The following SEL1L3 variants were observed in gnomAD, a reference collection of about 807,000 sequenced individuals.
The protein encoded by SEL1L3 is SEL1L family member 3, also known as protein sel-1 homolog 3.
In SEL1L3, 76 loss-of-function variants were observed where a neutral mutation model predicts 142.8. The observed-to-expected ratio is 0.53, with a 90% confidence interval of 0.44 to 0.64. The LOEUF is 0.64. Among genes scored for constraint, SEL1L3 ranks in the 30% least tolerant of loss-of-function variants. SEL1L3 has a pLI of 0.00. For missense variants in SEL1L3, 1,262 were observed against 1,381.7 expected (o/e 0.91, Z 1.37); for synonymous variants, 504 against 519.6 (o/e 0.97, Z 0.41).
chr4:25,777,440 GA>G (rs1719711365), intron 16 of SEL1L3, among the ~76,000 whole-genome samples: 1 of 151,810 alleles, frequency 6.6e-6, no homozygotes, highest in Admixed American at 6.6e-5. Flanking sequence ...AGCAGAAAAA[GA>G]AACATCAGAA....
At chr4:25,818,699 T>A (rs1371380832) in intron 8 of SEL1L3, among the ~76,000 whole-genome samples, 1 of 152,156 alleles carries the variant, frequency 6.6e-6, no homozygotes, top group East Asian at 1.9e-4. Flanking sequence ...AGGGTATGTC[T>A]CCTGAGAGTA....
intron 14 of SEL1L3, among the ~76,000 whole-genome samples, chr4:25,783,993 T>C (rs1378750996): frequency 6.6e-6 from 1 of 152,188 alleles, no homozygotes; most frequent in Admixed American, 6.5e-5. Context: ...GACTGGAAGG[T>C]GAATTCAGCT....
At chr4:25,727,157 A>C in the SEL1L3 span, among the ~76,000 whole-genome samples, 2 of 151,924 alleles carry the variant, frequency 1.3e-5, no homozygotes, top group Non-Finnish European at 2.9e-5. Context: ...GGTTCAAGCA[A>C]TTCTCCTGCC....
the SEL1L3 span, among the ~76,000 whole-genome samples, chr4:25,714,548 C>T: frequency 1.7e-5 from 2 of 117,776 alleles, no homozygotes; most frequent in African/African-American, 3.7e-5. Context: ...TTCTTTCTTT[C>T]TTTCTTCTTT....
chr4:25,756,755 C>T, intron 23 of SEL1L3: 1 of 1,149,276 alleles, frequency 8.7e-7, no homozygotes, highest in South Asian at 1.9e-5. Context: ...CCTGCTCAGT[C>T]CCTCCCTCTG....
intron 1 of SEL1L3, among the ~76,000 whole-genome samples, chr4:25,856,530 C>T (rs116314903): frequency 9.8e-4 from 146 of 148,816 alleles, no homozygotes; most frequent in African/African-American, 3.3e-3. Flanking sequence ...AATTTGACAA[C>T]GTCATGCACA....
chr4:25,817,987 T>C lies in SEL1L3; in HGVS notation c.1564+151A>G, dbSNP rs1017765399. On this transcript the variant is annotated intron_variant, in intron 9 of 23. Transcript: ENST00000399878. Reference sequence around the variant, plus strand: ...ACAGATATATCGAGAGTTGTGGACATACAAAGGCAGAATTTAAATCTGAAA... The same window carrying C: ...ACAGATATATCGAGAGTTGTGGACACACAAAGGCAGAATTTAAATCTGAAA... 11 of 803,232 alleles carry C rather than the reference T, an allele frequency of 1.4e-5. No homozygotes were observed. In the East Asian group the frequency reaches 1.6e-4, roughly 12 times the overall value. 49.8% of individuals were successfully genotyped at this position (803,232 alleles called of 1,614,324 possible). A position where few individuals can be genotyped will look rare whatever the true frequency, so the allele number is the denominator to read the frequency against.
rs138785641 is a variant in SEL1L3, at chr4:25,842,117, T to C, written c.733+5177A>G. Among the ~76,000 whole-genome samples the C allele has an allele frequency of 4.3e-4, 65 of 152,022 alleles. No homozygotes were observed. In the Middle Eastern group the frequency reaches 0.01, roughly 24 times the overall value. ...TAAGCCTCCACACTCAGTAAAGAAA[T>C]TGATACATAGTAGGTGCTCAGTCAA... On this transcript the variant is annotated intron_variant, in intron 2 of 23. Coordinates refer to ENST00000399878, the MANE Select transcript of SEL1L3 (RefSeq NM_015187.5).
chr4:25,733,665 C>T, the SEL1L3 span, among the ~76,000 whole-genome samples: 3 of 151,858 alleles, frequency 2.0e-5, no homozygotes, highest in Non-Finnish European at 2.9e-5. Flanking sequence ...GGACTACAGG[C>T]GCGCACCACC....
rs1472745776 is a variant in SEL1L3 at position 25,779,065 on chromosome 4, C to T, written c.2585+11G>A. The T allele has an allele frequency of 1.9e-6, 3 of 1,612,236 alleles. No homozygotes were observed. The highest frequency in any genetic ancestry group is 1.7e-5 in the Admixed American group (1 of 59,880). ...CTTTCCCTTCAAATGCAACGTTTGA[C>T]AGAGTCTTACACAACAGCTTTCTCA... On this transcript the variant is annotated intron_variant, in intron 16 of 23. Transcript: ENST00000399878.
chr4:25,736,213 T>TTGTGTGTGTG, the SEL1L3 span, among the ~76,000 whole-genome samples: 4,706 of 130,610 alleles, frequency 0.036, 138 homozygotes, highest in African/African-American at 0.064. Context: ...TGCCATAAGA[T>TTGTGTGTGTG]TGTGTGTCTG....
At chr4:25,849,003 G>A (rs1255844207) in intron 1 of SEL1L3, among the ~76,000 whole-genome samples, 1 of 152,210 alleles carries the variant, frequency 6.6e-6, no homozygotes, top group Non-Finnish European at 1.5e-5. Context: ...GTTGGGCAAG[G>A]TGGTGCACAC....
intron 1 of SEL1L3, among the ~76,000 whole-genome samples, chr4:25,849,810 A>G (rs1430475606): frequency 6.6e-6 from 1 of 152,242 alleles, no homozygotes; most frequent in Non-Finnish European, 1.5e-5. Flanking sequence ...TGGACAAGAC[A>G]TGAAATTTGG....
At chr4:25,809,053 A>G (rs1271351450) in intron 9 of SEL1L3, among the ~76,000 whole-genome samples, 2 of 143,614 alleles carry the variant, frequency 1.4e-5, no homozygotes, top group Non-Finnish European at 3.1e-5. Context: ...AGCCTGGGCG[A>G]CAGAGTGAGA....
chr4:25,779,248 G>T, intron 15 of SEL1L3, 45 bp from the exon 16 acceptor site: 1 of 1,605,660 alleles, frequency 6.2e-7, no homozygotes, highest in Non-Finnish European at 8.5e-7. Flanking sequence ...TAGCTGGGCT[G>T]GTTTCGCCAG....
the SEL1L3 span, among the ~76,000 whole-genome samples, chr4:25,730,410 A>G: frequency 6.6e-6 from 1 of 151,974 alleles, no homozygotes; most frequent in Non-Finnish European, 1.5e-5. Context: ...TAGGGTGAGG[A>G]AACTAGTTAG....
chr4:25,772,697 C>T (rs1475153267), intron 17 of SEL1L3, among the ~76,000 whole-genome samples: 1 of 152,108 alleles, frequency 6.6e-6, no homozygotes, highest in Non-Finnish European at 1.5e-5. Flanking sequence ...TCCAAATATT[C>T]ATTAACAAGA....
chr4:25,784,653 C>CT lies in SEL1L3; in HGVS notation c.2218-364dup, dbSNP rs1257809341. On this transcript the variant is annotated intron_variant, in intron 13 of 23. Coordinates refer to ENST00000399878, the MANE Select transcript of SEL1L3 (RefSeq NM_015187.5). ...CCTAATTTGCCAGCCAGAAAAAGCA[C>CT]TTTATCTGTGTTGGACAGTCAAGAG... 2.0e-5 allele frequency among the ~76,000 whole-genome samples: 3 copies of CT among 152,182 alleles called. No homozygotes were observed. The East Asian group carries it at 5.8e-4, about 29-fold the overall frequency.
Position 25,818,188 on chromosome 4 carries a change from T to C in SEL1L3, c.1514A>G (p.Asp505Gly). Residue 505 changes from aspartate to glycine, a missense_variant, in exon 9 of 24, where the codon GAC (aspartate) becomes GGC (glycine). By Grantham distance (94) the Asp-to-Gly change is moderately conservative. Around this residue, in one of 3 missense-constraint regions of SEL1L3, gnomAD observed 689 missense variants for 692.8 expected, o/e 0.99. Transcript: ENST00000399878. ...RAFPWEKELKDKHPSLFQALL... is the reference protein window; with the variant it reads ...RAFPWEKELKGKHPSLFQALL... ...TGCCTGGAACAAGCTGGGGTGTTTG[T>C]CTTTCAGCTCCTTCTCCCAGGGGAA... 4.3e-6 allele frequency: 7 copies of C among 1,609,362 alleles called. No individual in the cohort carries two copies. The highest frequency in any genetic ancestry group is 5.9e-6 in the Non-Finnish European group (7 of 1,177,902).
Sources: allele counts gnomAD v4.1 joint callset (sites outside exome capture counted in the v4.1 genomes callset), GRCh38; gene constraint gnomAD v4.1.1; regional missense constraint gnomAD v4.1.1; transcripts MANE v1.5; gene names NCBI Gene and HGNC (gene_info 2026-07-23, HGNC 2026-07-21).